ENTREP1: variants seen among roughly 807,000 people sequenced by gnomAD.
ENTREP1 encodes endosomal transmembrane epsin interactor 1, also known as Friedreich ataxia region gene X123.
At chr9:69,325,553 G>A in the ENTREP1 span, 13 of 1,192,168 alleles carry the variant, frequency 1.1e-5, no homozygotes, top group Non-Finnish European at 1.4e-5. Context: ...AGTCGCCGCC[G>A]CTGCCGCCGC....
chr9:69,346,898 C>T, the ENTREP1 span, among the ~76,000 whole-genome samples: 2 of 152,166 alleles, frequency 1.3e-5, no homozygotes, highest in Non-Finnish European at 2.9e-5. Context: ...TACTGAATTG[C>T]TGTGGCATTT....
At chr9:69,361,738 G>T in the ENTREP1 span, among the ~76,000 whole-genome samples, 8 of 151,970 alleles carry the variant, frequency 5.3e-5, no homozygotes, top group Non-Finnish European at 1.0e-4. Context: ...ATTATTTTGA[G>T]GCTCACTTTC....
the ENTREP1 span, chr9:69,386,192 G>A: frequency 9.1e-6 from 3 of 331,480 alleles, no homozygotes. Flanking sequence ...AAAGAATTTG[G>A]TTGTACATGA....
the ENTREP1 span, among the ~76,000 whole-genome samples, chr9:69,360,476 A>T: frequency 6.6e-6 from 1 of 152,050 alleles, no homozygotes; most frequent in Non-Finnish European, 1.5e-5. Flanking sequence ...CTCCAGTAAA[A>T]TATTTTATTT....
chr9:69,383,586 C>T, the ENTREP1 span: 24 of 1,611,460 alleles, frequency 1.5e-5, no homozygotes, highest in East Asian at 5.1e-4. Context: ...GTCACGTGGC[C>T]AGTCTGTAGA....
At chr9:69,356,424 C>T in the ENTREP1 span, among the ~76,000 whole-genome samples, 1 of 152,116 alleles carries the variant, frequency 6.6e-6, no homozygotes, top group African/African-American at 2.4e-5. Flanking sequence ...TGCTGTTGGC[C>T]ATCTTTGGAG....
chr9:69,392,099 A>C, the ENTREP1 span: 1 of 438,834 alleles, frequency 2.3e-6, no homozygotes, highest in South Asian at 3.2e-5. Flanking sequence ...CATGGGCAGA[A>C]ACTGGGCTAA....
the ENTREP1 span, among the ~76,000 whole-genome samples, chr9:69,342,921 A>G: frequency 2.0e-5 from 3 of 152,222 alleles, no homozygotes; most frequent in Admixed American, 2.0e-4. Context: ...GCATTGGGTA[A>G]GAACTTGGGA....
chr9:69,330,228 C>A, the ENTREP1 span, among the ~76,000 whole-genome samples: 1 of 152,130 alleles, frequency 6.6e-6, no homozygotes, highest in Non-Finnish European at 1.5e-5. Context: ...GGCCACACTG[C>A]ACTAGATTTA....
chr9:69,384,900 ATT>A, the ENTREP1 span, among the ~76,000 whole-genome samples: 161 of 151,428 alleles, frequency 1.1e-3, no homozygotes, highest in Middle Eastern at 0.01. Context: ...TAATTTTTCC[ATT>A]TTTTTTTTTT....
At chr9:69,363,270 G>A in the ENTREP1 span, among the ~76,000 whole-genome samples, 2 of 152,140 alleles carry the variant, frequency 1.3e-5, no homozygotes, top group Admixed American at 1.3e-4. Context: ...CCCCAATGAT[G>A]CATTGGCTTC....
At chr9:69,389,762 G>C in the ENTREP1 span, among the ~76,000 whole-genome samples, 16 of 152,198 alleles carry the variant, frequency 1.1e-4, no homozygotes, top group Admixed American at 1.0e-3. Context: ...GCAAAGTCTT[G>C]CTCCCTGAGA....
the ENTREP1 span, among the ~76,000 whole-genome samples, chr9:69,344,170 G>A: frequency 6.6e-6 from 1 of 152,174 alleles, no homozygotes; most frequent in African/African-American, 2.4e-5. Flanking sequence ...AATGATTTGG[G>A]GCAAGAGGGG....
At chr9:69,354,080 A>G in the ENTREP1 span, among the ~76,000 whole-genome samples, 1 of 152,024 alleles carries the variant, frequency 6.6e-6, no homozygotes, top group Non-Finnish European at 1.5e-5. Context: ...ATTTTAGTAT[A>G]TATTTATAAA....
At chr9:69,341,450 T>C in the ENTREP1 span, among the ~76,000 whole-genome samples, 150,784 of 152,222 alleles carry the variant, frequency 0.99, 74,686 homozygotes, top group East Asian at 1. Context: ...CCTCATTACC[T>C]GAAGAGACTA....
At chr9:69,339,126 C>A in the ENTREP1 span, among the ~76,000 whole-genome samples, 1 of 152,000 alleles carries the variant, frequency 6.6e-6, no homozygotes, top group African/African-American at 2.4e-5. Flanking sequence ...CTCAAGGGAT[C>A]CTCCCAGCTT....
At chr9:69,351,856 A>G in the ENTREP1 span, among the ~76,000 whole-genome samples, 1 of 151,838 alleles carries the variant, frequency 6.6e-6, no homozygotes, top group Non-Finnish European at 1.5e-5. Flanking sequence ...TGTCTTTTTA[A>G]TGTATTTTCT....
At chr9:69,383,741 C>T in the ENTREP1 span, 1 of 1,614,070 alleles carries the variant, frequency 6.2e-7, no homozygotes, top group Non-Finnish European at 8.5e-7. Flanking sequence ...CTGTGGTGAG[C>T]CAGATGGACC....
chr9:69,325,549 C>CGCCGCT, the ENTREP1 span: 3 of 1,181,236 alleles, frequency 2.5e-6, no homozygotes, highest in Non-Finnish European at 3.1e-6. Context: ...GGGCAGTCGC[C>CGCCGCT]GCCGCTGCCG....
Sources: gnomAD v4.1 joint callset for allele counts (sites outside exome capture counted in the v4.1 genomes callset) on GRCh38, gnomAD v4.1.1 for gene constraint, MANE v1.5 for transcripts, NCBI Gene and HGNC (gene_info 2026-07-23, HGNC 2026-07-21) for gene names.